The following SIRPB2 variants were observed in gnomAD, a reference collection of about 807,000 sequenced individuals.
The protein encoded by SIRPB2 is signal regulatory protein beta 2, also known as signal-regulatory protein beta-2.
Under a neutral mutation model 27.1 loss-of-function variants are expected in SIRPB2, and 18 were observed. That is an observed-to-expected ratio of 0.66 (90% CI 0.46 to 0.98). The LOEUF (loss-of-function observed/expected upper bound fraction) is 0.98. Among genes scored for constraint, SIRPB2 ranks in the 50% least tolerant of loss-of-function variants. SIRPB2 has a pLI of 0.00. For synonymous variants in SIRPB2, 150 were observed against 164.6 expected (o/e 0.91, Z 0.68); for missense variants, 420 against 417.4 (o/e 1.01, Z -0.06).
chr20:1,488,745 A>G (rs6042566), intron 1 of SIRPB2, among the ~76,000 whole-genome samples: 8,889 of 152,248 alleles, frequency 0.058, 662 homozygotes, highest in African/African-American at 0.17. Context: ...GAGGTGTAGG[A>G]ACTGCCATCC....
downstream of SIRPB2, among the ~76,000 whole-genome samples, chr20:1,471,926 G>T (rs1382619315): frequency 1.3e-5 from 2 of 152,182 alleles, no homozygotes; most frequent in Non-Finnish European, 2.9e-5. Flanking sequence ...CTTGATGGGG[G>T]TTCCTTGGGG....
chr20:1,481,463 GCTTT>G (rs1386151310), intron 1 of SIRPB2, among the ~76,000 whole-genome samples: 1 of 152,204 alleles, frequency 6.6e-6, no homozygotes, highest in African/African-American at 2.4e-5. Context: ...AAGGTCAGCA[GCTTT>G]GTACCCCGAG....
intron 1 of SIRPB2, among the ~76,000 whole-genome samples, chr20:1,487,931 A>C (rs1023370165): frequency 2.6e-5 from 4 of 152,262 alleles, no homozygotes; most frequent in African/African-American, 9.6e-5. Context: ...CAAACTATAT[A>C]AAAATTAACT....
At chr20:1,479,400 C>T in intron 2 of SIRPB2, 1 of 400,288 alleles carries the variant, frequency 2.5e-6, no homozygotes, top group Non-Finnish European at 4.6e-6. Context: ...GGGCTGTTAG[C>T]AGACATAATG....
chr20:1,476,141 A>T lies in SIRPB2; in HGVS notation c.*26T>A. The T allele has an allele frequency of 6.2e-7, 1 of 1,605,364 alleles. No homozygotes were observed. The highest frequency in any genetic ancestry group is 8.5e-7 in the Non-Finnish European group (1 of 1,177,390). ...GAGCCCTGGCTCCTCTCCAACTCAGAGGGTCCTCACTCTGGGGCTGACCCC... is the reference window on the plus strand; with the variant it reads ...GAGCCCTGGCTCCTCTCCAACTCAGTGGGTCCTCACTCTGGGGCTGACCCC... On this transcript the variant is annotated 3_prime_UTR_variant, in exon 5 of 5. Transcript: ENST00000359801.
Position 1,475,716 on chromosome 20 carries a change from G to T in SIRPB2, c.*451C>A, listed in dbSNP as rs748694687. ...TGCCCAAGCCAGCCATGAGGGGGATGGAAGGAAGGCAGGAAGGAGTGGGGA... is the reference window on the plus strand; with the variant it reads ...TGCCCAAGCCAGCCATGAGGGGGATTGAAGGAAGGCAGGAAGGAGTGGGGA... On this transcript the variant is annotated 3_prime_UTR_variant, in exon 5 of 5. Coordinates refer to ENST00000359801, the MANE Select transcript of SIRPB2 (RefSeq NM_001122962.2). 1 of 160,468 alleles carries T rather than the reference G, an allele frequency of 6.2e-6. No individual in the cohort carries two copies. Among genetic ancestry groups the T allele is most frequent in the Non-Finnish European group, 1.4e-5 (1 of 74,012 alleles). The allele number at this position is 160,468 out of a possible 1,614,324, so 9.9% of individuals were successfully genotyped here.
At chr20:1,483,108 A>AT (rs35280142) in intron 1 of SIRPB2, among the ~76,000 whole-genome samples, 1,872 of 136,402 alleles carry the variant, frequency 0.014, 15 homozygotes, top group African/African-American at 0.028. Context: ...CATCCTCATC[A>AT]TTTTTTTTTT....
At chr20:1,474,391 G>C (rs191072871), downstream of SIRPB2, among the ~76,000 whole-genome samples, 1 of 152,110 alleles carries the variant, frequency 6.6e-6, no homozygotes, top group African/African-American at 2.4e-5. Context: ...TACTGTTGTC[G>C]CTGGCTTAGT....
chr20:1,477,409 A>G lies in SIRPB2; in HGVS notation c.794-6T>C. The G allele has an allele frequency of 6.2e-7, 1 of 1,610,232 alleles. No homozygotes were observed. Among genetic ancestry groups the G allele is most frequent in the East Asian group, 2.2e-5 (1 of 44,784 alleles). On this transcript the variant is annotated splice_polypyrimidine_tract_variant and splice_region_variant and intron_variant, in intron 3 of 4. Coordinates refer to ENST00000359801, the MANE Select transcript of SIRPB2 (RefSeq NM_001122962.2). ...TTTGGAAGAGGTAGATTTTGCTGCA[A>G]GGGAGAGAGGCTTTGTCATACTTCC...
chr20:1,474,445 C>T (rs2090592006), downstream of SIRPB2: 1 of 152,846 alleles, frequency 6.5e-6, no homozygotes, highest in Non-Finnish European at 1.5e-5. Flanking sequence ...CATCTAGACT[C>T]ATCTACTCGC....
intron 3 of SIRPB2, 34 bp from the exon 4 acceptor site, chr20:1,477,437 T>G (rs1410445242): frequency 6.3e-7 from 1 of 1,583,854 alleles, no homozygotes; most frequent in Non-Finnish European, 8.6e-7. Context: ...ATACTTCCCT[T>G]TATCTTTATC....
intron 1 of SIRPB2, among the ~76,000 whole-genome samples, chr20:1,483,936 C>T (rs2090699242): frequency 6.6e-6 from 1 of 151,984 alleles, no homozygotes; most frequent in Admixed American, 6.5e-5. Context: ...TGTTCTTTTT[C>T]TGGGATTTTG....
chr20:1,489,216 T>G (rs1236636160), intron 1 of SIRPB2, among the ~76,000 whole-genome samples: 1 of 152,182 alleles, frequency 6.6e-6, no homozygotes, highest in Non-Finnish European at 1.5e-5. Flanking sequence ...CAAGGACGAA[T>G]CACAAGGAAA....
intron 3 of SIRPB2, 134 bp downstream of exon 3, chr20:1,478,132 G>C (rs912883736): frequency 1.2e-6 from 1 of 840,942 alleles, no homozygotes. Context: ...AAAGGAGAAA[G>C]CATTCCAGGT....
At chr20:1,481,825 T>A (rs570022531) in intron 1 of SIRPB2, among the ~76,000 whole-genome samples, 15 of 152,312 alleles carry the variant, frequency 9.8e-5, no homozygotes, top group African/African-American at 3.1e-4. Context: ...TTTGAGCTAG[T>A]CAGATCTGTT....
Position 1,476,261 on chromosome 20 carries a change from G to T in SIRPB2, c.935C>A (p.Ala312Asp). 6.2e-7 allele frequency: 1 copy of T among 1,614,056 alleles called. No homozygotes were observed. The highest frequency in any genetic ancestry group is 8.5e-7 in the Non-Finnish European group (1 of 1,180,006). ...TTGCCCAGGGCTCCTCCGAGAGGTA[G>T]CCAGGGCCAGTAGGAGTGCAGCCAA... is the stretch of plus-strand genomic sequence containing the variant. ...ITLAALLLALATSRRSPGQED... is the reference protein window; with the variant it reads ...ITLAALLLALDTSRRSPGQED... The change falls in exon 5 of 5, where the codon GCT becomes GAT. Residue 312 changes from alanine (A) to aspartate (D), a missense_variant. Transcript: ENST00000359801.
intron 3 of SIRPB2, 40 bp downstream of exon 3, chr20:1,478,226 T>C (rs2090627086): frequency 6.3e-7 from 1 of 1,583,384 alleles, no homozygotes; most frequent in Non-Finnish European, 8.6e-7. Flanking sequence ...GTTGAATACC[T>C]GCTCCGCTCT....
chr20:1,471,511 G>A (rs2090581144), downstream of SIRPB2, among the ~76,000 whole-genome samples: 1 of 152,234 alleles, frequency 6.6e-6, no homozygotes, highest in African/African-American at 2.4e-5. Flanking sequence ...AGAAAGCAAG[G>A]TTGAGAATGA....
At chr20:1,488,152 C>G (rs1244575027) in intron 1 of SIRPB2, among the ~76,000 whole-genome samples, 1 of 152,048 alleles carries the variant, frequency 6.6e-6, no homozygotes, top group Non-Finnish European at 1.5e-5. Flanking sequence ...AATAAAAAGA[C>G]AAGTCACAGA....
Sources: allele counts gnomAD v4.1 joint callset (sites outside exome capture counted in the v4.1 genomes callset), GRCh38; gene constraint gnomAD v4.1.1; transcripts MANE v1.5; gene names NCBI Gene and HGNC (gene_info 2026-07-23, HGNC 2026-07-21).